MTHFD1L: variants seen among roughly 807,000 people sequenced by gnomAD.
MTHFD1L encodes the protein methylenetetrahydrofolate dehydrogenase (NADP+ dependent) 1 like.
A neutral mutation model predicts 119.5 loss-of-function variants in MTHFD1L; 81 were observed. The observed-to-expected ratio is 0.68, with a 90% CI of 0.57 to 0.82. The LOEUF is 0.82. Ranked by LOEUF, MTHFD1L falls within the 40% of genes least tolerant of loss-of-function variation. The pLI, the probability that MTHFD1L is intolerant of heterozygous loss-of-function variation, is 0.00. For synonymous variants in MTHFD1L, 430 were observed against 475.2 expected, an observed-to-expected ratio of 0.90 and a Z score of 1.24; for missense variants, 1,125 against 1,253.4, an observed-to-expected ratio of 0.90 and a Z score of 1.55.
chr6:150,975,259 G>C (rs200696372), intron 20 of MTHFD1L, among the ~76,000 whole-genome samples: 3 of 152,132 alleles, frequency 2.0e-5, no homozygotes, highest in Admixed American at 6.6e-5. Flanking sequence ...TCACAAATAC[G>C]TACCACGGAA....
chr6:151,084,191 A>G (rs1793497191), intron 26 of MTHFD1L, among the ~76,000 whole-genome samples: 1 of 152,196 alleles, frequency 6.6e-6, no homozygotes, highest in African/African-American at 2.4e-5. Flanking sequence ...AGATAAATAA[A>G]AGAATCAAGA....
chr6:151,036,146 G>A (rs1341710870), intron 25 of MTHFD1L, among the ~76,000 whole-genome samples: 8 of 152,156 alleles, frequency 5.3e-5, no homozygotes, highest in East Asian at 3.8e-4. Context: ...AACCGGGCAC[G>A]GTGCTCACAC....
At chr6:150,940,770 G>A (rs555266829) in intron 13 of MTHFD1L, among the ~76,000 whole-genome samples, 1 of 152,052 alleles carries the variant, frequency 6.6e-6, no homozygotes, top group Admixed American at 6.6e-5. Flanking sequence ...AATACAGATG[G>A]GGTTTCACCA....
At chr6:150,866,080 C>G in intron 1 of MTHFD1L, 31 bp downstream of exon 1, 1 of 1,480,906 alleles carries the variant, frequency 6.8e-7, no homozygotes, top group South Asian at 1.3e-5. Context: ...TGGCCCAGGT[C>G]TCCAGCGGCT....
chr6:150,900,969 C>T (rs1016030285), intron 7 of MTHFD1L, among the ~76,000 whole-genome samples: 2 of 151,194 alleles, frequency 1.3e-5, no homozygotes, highest in African/African-American at 2.4e-5. Context: ...GAGCCGGGAT[C>T]GCGCCACTGC....
At chr6:150,871,974 T>G (rs1779620422) in intron 1 of MTHFD1L, among the ~76,000 whole-genome samples, 1 of 151,762 alleles carries the variant, frequency 6.6e-6, no homozygotes, top group Admixed American at 6.6e-5. Context: ...GCCTCCCGGG[T>G]TCAATAAATT....
At chr6:150,938,869 A>C in intron 13 of MTHFD1L, 124 bp downstream of exon 13, 3 of 1,072,494 alleles carry the variant, frequency 2.8e-6, no homozygotes, top group Non-Finnish European at 4.2e-6. Context: ...AAGGCTCTGA[A>C]ACCCCAAAAT....
intron 24 of MTHFD1L, among the ~76,000 whole-genome samples, chr6:151,031,537 G>A (rs1785339082): frequency 6.6e-6 from 1 of 152,224 alleles, no homozygotes; most frequent in African/African-American, 2.4e-5. Flanking sequence ...TGGCTTTTGG[G>A]ATAGATCTTA....
At chr6:151,081,486 C>T (rs6935050) in intron 26 of MTHFD1L, among the ~76,000 whole-genome samples, 5 of 131,144 alleles carry the variant, frequency 3.8e-5, no homozygotes, top group Non-Finnish European at 6.3e-5. Flanking sequence ...AACGCTGCCT[C>T]TACTAAAAAT....
chr6:150,870,187 C>T (rs1359128704), intron 1 of MTHFD1L, among the ~76,000 whole-genome samples: 3 of 152,232 alleles, frequency 2.0e-5, no homozygotes, highest in Non-Finnish European at 4.4e-5. Context: ...GCTCACATTC[C>T]TTCCCACTGT....
chr6:151,027,118 C>T lies in MTHFD1L; in HGVS notation c.2587-7375C>T, dbSNP rs1346691381. Among the ~76,000 whole-genome samples, 9 of 152,056 alleles carry T rather than the reference C, an allele frequency of 5.9e-5. No individual in the cohort carries two copies. The East Asian group carries it at 9.7e-4, about 16-fold the overall frequency. On this transcript the variant is annotated intron_variant, in intron 24 of 27. Transcript: ENST00000367321. ...TGCTGGGATTACAGGTGTGAGCCAC[C>T]GCACCAGGCCTCCTGTCCTTTCTTT... is the stretch of plus-strand genomic sequence containing the variant.
At chr6:150,962,380 T>G (rs1205289792) in intron 18 of MTHFD1L, among the ~76,000 whole-genome samples, 1 of 152,172 alleles carries the variant, frequency 6.6e-6, no homozygotes, top group Non-Finnish European at 1.5e-5. Context: ...AATAAACTCT[T>G]TATTTATCTT....
intron 24 of MTHFD1L, among the ~76,000 whole-genome samples, chr6:151,021,636 T>A (rs1324871806): frequency 6.6e-6 from 1 of 152,134 alleles, no homozygotes; most frequent in African/African-American, 2.4e-5. Context: ...CCTCCTGAAT[T>A]CACCTTCAAG....
chr6:150,966,963 G>A (rs879294673), intron 19 of MTHFD1L, among the ~76,000 whole-genome samples: 1 of 152,218 alleles, frequency 6.6e-6, no homozygotes, highest in Non-Finnish European at 1.5e-5. Flanking sequence ...CGGGGGAGGG[G>A]TGCAGGATGC....
At chr6:150,912,754 G>C (rs1298302397) in intron 8 of MTHFD1L, 1 of 487,044 alleles carries the variant, frequency 2.1e-6, no homozygotes, top group Non-Finnish European at 4.2e-6. Context: ...AGATGAGAGT[G>C]TTTAGTGGGA....
intron 20 of MTHFD1L, among the ~76,000 whole-genome samples, chr6:151,003,542 A>AG (rs1554276929): frequency 6.3e-4 from 96 of 151,836 alleles, no homozygotes; most frequent in African/African-American, 1.8e-3. Context: ...CCAAAAAAAA[A>AG]GGGGGGAAAG....
intron 13 of MTHFD1L, among the ~76,000 whole-genome samples, chr6:150,942,506 A>C (rs1793291144): frequency 6.6e-6 from 1 of 152,174 alleles, no homozygotes; most frequent in African/African-American, 2.4e-5. Flanking sequence ...GTGTACCCTA[A>C]GGAAAAAATG....
At position 151,039,940 on chromosome 6, in the gene MTHFD1L, A is replaced by ACATACATACATACATGCATACATG. The variant is rs1209396464; in HGVS notation, c.2847+2830_2847+2831insACATACATGCATACATGCATACAT. On this transcript the variant is annotated intron_variant, in intron 26 of 27. Transcript: ENST00000367321. The surrounding 1 kb of genome is among the most constrained non-coding windows in gnomAD (Gnocchi z 4.4). ...TAAATACATACATACATACATACAT[A>ACATACATACATACATGCATACATG]CATACATGCATACATGCATACATGC... Among the ~76,000 whole-genome samples the ACATACATACATACATGCATACATG allele has an allele frequency of 3.7e-4, 56 of 150,212 alleles. No homozygotes were observed. The East Asian group carries it at 9.3e-3, about 25-fold the overall frequency.
intron 24 of MTHFD1L, among the ~76,000 whole-genome samples, chr6:151,027,045 G>C (rs1784697429): frequency 1.3e-5 from 2 of 151,758 alleles, no homozygotes; most frequent in South Asian, 4.2e-4. Flanking sequence ...TGGCCAGGAT[G>C]GTCTCGATCT....
Sources: allele counts gnomAD v4.1 joint callset (sites outside exome capture counted in the v4.1 genomes callset), GRCh38; gene constraint gnomAD v4.1.1; non-coding constraint Gnocchi (gnomAD v3.1); transcripts MANE v1.5; gene names NCBI Gene and HGNC (gene_info 2026-07-23, HGNC 2026-07-21).